Variants in FANCC observed in about 807,000 individuals in gnomAD.
FANCC encodes Fanconi anemia group C protein.
Under a neutral mutation model 71.3 loss-of-function variants are expected in FANCC, and 55 were observed. That is an observed-to-expected ratio of 0.77 (90% CI 0.62 to 0.97). FANCC has a LOEUF of 0.97. FANCC is among the 50% of genes least tolerant of loss of function. FANCC has a pLI of 0.00. For missense variants in FANCC, 678 were observed against 670.9 expected (o/e 1.01, Z -0.12); for synonymous variants, 275 against 244.9 (o/e 1.12, Z -1.15).
chr9:95,126,067 T>C (rs1243902712), intron 9 of FANCC, among the ~76,000 whole-genome samples: 2 of 152,252 alleles, frequency 1.3e-5, no homozygotes, highest in Non-Finnish European at 2.9e-5. Flanking sequence ...ATGTAATGTG[T>C]TGTAAGAGAA....
chr9:95,247,972 G>A (rs1321249683), intron 2 of FANCC, among the ~76,000 whole-genome samples: 3 of 152,124 alleles, frequency 2.0e-5, no homozygotes, highest in Admixed American at 2.0e-4. Context: ...AAGGTTTAAA[G>A]GGATGAGAAC....
rs1834159394 is a variant in FANCC at position 95,293,137 on chromosome 9, C to T, written c.-79+24389G>A. 6.8e-6 allele frequency: 11 copies of T among 1,613,114 alleles called. No homozygotes were observed. The South Asian group carries it at 8.8e-5, about 13-fold the overall frequency. On this transcript the variant is annotated intron_variant, in intron 1 of 14. Coordinates refer to ENST00000289081, the MANE Select transcript of FANCC (RefSeq NM_000136.3). ...AGAAGCTTCAGAAATAAAGCTAGAA[C>T]CATCTTTTGAAGACTCTTGTGGCTC... is the stretch of plus-strand genomic sequence containing the variant.
At chr9:95,158,214 C>T (rs1231747431) in intron 6 of FANCC, among the ~76,000 whole-genome samples, 1 of 152,160 alleles carries the variant, frequency 6.6e-6, no homozygotes, top group Non-Finnish European at 1.5e-5. Flanking sequence ...CCCCCACATA[C>T]CTCTTCCTCT....
intron 4 of FANCC, among the ~76,000 whole-genome samples, chr9:95,179,588 C>G (rs1826215401): frequency 6.6e-6 from 1 of 152,188 alleles, no homozygotes; most frequent in Non-Finnish European, 1.5e-5. Flanking sequence ...CTCAAGTGAT[C>G]TGCCCACCTC....
intron 1 of FANCC, among the ~76,000 whole-genome samples, chr9:95,285,543 C>T (rs1026697925): frequency 6.6e-6 from 1 of 151,956 alleles, no homozygotes; most frequent in Admixed American, 6.6e-5. Flanking sequence ...CAGAGTGAAA[C>T]CACTTTTGAC....
At chr9:95,298,893 A>G (rs563797757) in intron 1 of FANCC, among the ~76,000 whole-genome samples, 32 of 152,362 alleles carry the variant, frequency 2.1e-4, no homozygotes, top group African/African-American at 5.3e-4. Flanking sequence ...TCCAAAAGCC[A>G]TATCAGGACA....
intron 1 of FANCC, among the ~76,000 whole-genome samples, chr9:95,261,051 C>A (rs1283970531): frequency 1.3e-5 from 2 of 152,196 alleles, no homozygotes; most frequent in African/African-American, 4.8e-5. Flanking sequence ...ACCTGTACGG[C>A]TACTGCTTTG....
chr9:95,293,007 A>G, intron 1 of FANCC: 1 of 1,581,520 alleles, frequency 6.3e-7, no homozygotes, highest in South Asian at 1.1e-5. Context: ...GGACCCACCT[A>G]GTAAGAAAAG....
At chr9:95,300,169 A>G (rs566965517) in intron 1 of FANCC, among the ~76,000 whole-genome samples, 44 of 152,170 alleles carry the variant, frequency 2.9e-4, no homozygotes, top group Non-Finnish European at 5.7e-4. Context: ...TATCGTATTT[A>G]CCCCCACCTT....
chr9:95,166,135 G>A (rs1231896158), intron 6 of FANCC, among the ~76,000 whole-genome samples: 1 of 151,902 alleles, frequency 6.6e-6, no homozygotes, highest in East Asian at 1.9e-4. Context: ...TGAGTCTCTT[G>A]TAGCTAGAAT....
At chr9:95,254,715 C>G (rs549125106) in intron 1 of FANCC, among the ~76,000 whole-genome samples, 1 of 152,184 alleles carries the variant, frequency 6.6e-6, no homozygotes, top group African/African-American at 2.4e-5. Flanking sequence ...ACCTGGAACA[C>G]CAGCGAGACA....
chr9:95,246,390 C>A lies in FANCC; in HGVS notation c.250+1042G>T, dbSNP rs1334170894. Among the ~76,000 whole-genome samples, 3 of 152,180 alleles carry A rather than the reference C, an allele frequency of 2.0e-5. No individual in the cohort carries two copies. The South Asian group carries it at 6.2e-4, about 31-fold the overall frequency. On this transcript the variant is annotated intron_variant, in intron 3 of 14. Coordinates refer to ENST00000289081, the MANE Select transcript of FANCC (RefSeq NM_000136.3). Reference sequence around the variant, plus strand: ...TCTCTTCCAATAATGATTATGACAACCTATAAATGGGAAACTGCATGATTC... The same window carrying A: ...TCTCTTCCAATAATGATTATGACAAACTATAAATGGGAAACTGCATGATTC...
At chr9:95,308,670 C>T (rs1478583812) in intron 1 of FANCC, among the ~76,000 whole-genome samples, 3 of 152,088 alleles carry the variant, frequency 2.0e-5, no homozygotes, top group African/African-American at 7.2e-5. Context: ...TGAGCCACCA[C>T]GCCCGGCCTA....
intron 7 of FANCC, among the ~76,000 whole-genome samples, chr9:95,146,487 CAAAAAAAAA>C (rs61093923): frequency 8.8e-5 from 4 of 45,572 alleles, no homozygotes; most frequent in South Asian, 1.5e-3. Context: ...GACCCCATCT[CAAAAAAAAA>C]AAAAAAAAAA....
At chr9:95,127,712 T>C (rs915919576) in intron 8 of FANCC, among the ~76,000 whole-genome samples, 1 of 152,170 alleles carries the variant, frequency 6.6e-6, no homozygotes. Flanking sequence ...CAGGCCCCCG[T>C]CGGCAAGAAA....
intron 13 of FANCC, chr9:95,110,395 T>C (rs979637816): frequency 2.9e-6 from 3 of 1,024,148 alleles, no homozygotes; most frequent in Non-Finnish European, 3.5e-6. Context: ...GTACATCTTA[T>C]TACTGTTAAA....
chr9:95,217,636 T>C (rs1430576076), intron 4 of FANCC, among the ~76,000 whole-genome samples: 1 of 151,362 alleles, frequency 6.6e-6, no homozygotes, highest in Non-Finnish European at 1.5e-5. Flanking sequence ...CTGAGGGAAA[T>C]TTATAGCTTT....
intron 6 of FANCC, among the ~76,000 whole-genome samples, chr9:95,168,345 G>A (rs1264630118): frequency 6.6e-6 from 1 of 152,168 alleles, no homozygotes; most frequent in Non-Finnish European, 1.5e-5. Context: ...TCCATCGGCA[G>A]CACTGTCAAT....
rs2071008733 is a variant in FANCC, at chr9:95,099,434, C to T, written c.*2273G>A. On this transcript the variant is annotated 3_prime_UTR_variant, in exon 15 of 15. Transcript: ENST00000289081. ...GCCGTCAAGGCCCCCTCGGCCACGC[C>T]GCGTCCCCGCCCAGCATCTCGGATG... 1.3e-5 allele frequency: 3 copies of T among 226,446 alleles called. No homozygotes were observed. Among genetic ancestry groups the T allele is most frequent in the South Asian group, 2.0e-4 (1 of 5,124 alleles). 14.0% of individuals were successfully genotyped at this position (226,446 alleles called of 1,614,324 possible).
Sources: gnomAD v4.1 joint callset for allele counts (sites outside exome capture counted in the v4.1 genomes callset) on GRCh38, gnomAD v4.1.1 for gene constraint, MANE v1.5 for transcripts, NCBI Gene and HGNC (gene_info 2026-07-23, HGNC 2026-07-21) for gene names.